IMPA2: variants seen among roughly 807,000 people sequenced by gnomAD.
IMPA2 encodes the protein IMP 2.
In IMPA2, 32 loss-of-function variants were observed where a neutral mutation model predicts 35.1. That is an observed-to-expected ratio of 0.91 (90% CI 0.69 to 1.23). The LOEUF is 1.23. Ranked by LOEUF, IMPA2 falls within the 50% of genes most tolerant of loss-of-function variation. IMPA2 has a pLI of 0.00. For synonymous variants in IMPA2, 135 were observed against 160.6 expected, an observed-to-expected ratio of 0.84 and a Z score of 1.20; for missense variants, 334 against 387.6, an observed-to-expected ratio of 0.86 and a Z score of 1.16.
intron 5 of IMPA2, among the ~76,000 whole-genome samples, chr18:12,027,209 G>A (rs1451465347): frequency 2.0e-5 from 3 of 152,224 alleles, no homozygotes; most frequent in Non-Finnish European, 2.9e-5. Flanking sequence ...GTGTTTGGGT[G>A]TGTGGCACAA....
chr18:11,997,581 G>T (rs928551050), intron 1 of IMPA2, among the ~76,000 whole-genome samples: 1 of 152,210 alleles, frequency 6.6e-6, no homozygotes, highest in Non-Finnish European at 1.5e-5. Flanking sequence ...AGGCAGCCCC[G>T]TATGGGGAGG....
At chr18:12,021,004 G>A (rs1907713344) in intron 5 of IMPA2, among the ~76,000 whole-genome samples, 1 of 151,722 alleles carries the variant, frequency 6.6e-6, no homozygotes, top group Non-Finnish European at 1.5e-5. Flanking sequence ...TGGGCTTTGG[G>A]GGCTTGGAGG....
chr18:12,017,344 A>G (rs1020294), intron 5 of IMPA2, among the ~76,000 whole-genome samples: 67,679 of 152,024 alleles, frequency 0.45, 17,239 homozygotes, highest in Non-Finnish European at 0.58. Context: ...TCAGTACTTC[A>G]GCGTGTCTCC....
intron 1 of IMPA2, among the ~76,000 whole-genome samples, chr18:11,984,482 C>T (rs1906598731): frequency 6.6e-6 from 1 of 152,242 alleles, no homozygotes; most frequent in South Asian, 2.1e-4. Flanking sequence ...CAAATCCCCC[C>T]GCGGAGCTGA....
At chr18:12,022,239 G>C (rs1907749209) in intron 5 of IMPA2, among the ~76,000 whole-genome samples, 1 of 151,926 alleles carries the variant, frequency 6.6e-6, no homozygotes, top group Admixed American at 6.6e-5. Flanking sequence ...AAATTAAAAA[G>C]ATATACATTA....
At chr18:12,012,597 A>G (rs1907466050) in intron 4 of IMPA2, among the ~76,000 whole-genome samples, 1 of 152,184 alleles carries the variant, frequency 6.6e-6, no homozygotes, top group African/African-American at 2.4e-5. Flanking sequence ...CTCAATCCCA[A>G]TATTCTAATA....
At chr18:11,992,678 G>A (rs1036663467) in intron 1 of IMPA2, among the ~76,000 whole-genome samples, 3 of 152,190 alleles carry the variant, frequency 2.0e-5, no homozygotes, top group Admixed American at 1.3e-4. Context: ...CTTAGTTAGC[G>A]AGTAGCTGAA....
intron 5 of IMPA2, among the ~76,000 whole-genome samples, chr18:12,016,952 C>T (rs75786327): frequency 0.022 from 3,290 of 152,232 alleles, 120 homozygotes; most frequent in African/African-American, 0.075. Context: ...AGTCATGCCC[C>T]GTTGTTAAAA....
At chr18:12,012,095 A>C in intron 3 of IMPA2, 75 bp from the exon 4 acceptor site, 1 of 1,391,648 alleles carries the variant, frequency 7.2e-7, no homozygotes. Context: ...GCCTGCGGGG[A>C]GCCGCACAGC....
Position 12,030,538 on chromosome 18 carries a change from C to A in IMPA2, c.*80C>A. 1.8e-6 allele frequency: 2 copies of A among 1,106,608 alleles called. No homozygotes were observed. The highest frequency in any genetic ancestry group is 1.3e-5 in the South Asian group (1 of 77,510). The allele number at this position is 1,106,608 out of a possible 1,614,324, so 68.5% of individuals were successfully genotyped here. On this transcript the variant is annotated 3_prime_UTR_variant, in exon 8 of 8. Coordinates refer to ENST00000269159, the MANE Select transcript of IMPA2 (RefSeq NM_014214.3). ...GGGGAGGTGGCCCTCGTGGCCCACG[C>A]TCCATGCCAGTGGCTCACGCTCTGC...
chr18:12,007,614 CTTTCTTTTTCTTTCTTCTTTCT>C (rs1907293116), intron 2 of IMPA2, among the ~76,000 whole-genome samples: 1 of 136,212 alleles, frequency 7.3e-6, no homozygotes, highest in Non-Finnish European at 1.5e-5. Flanking sequence ...CTCTTTCTTT[CTTTCTTTTTCTTTCTTCTTTCT>C]TTCTTTCTTT....
At position 12,030,501 on chromosome 18, in the gene IMPA2, C is replaced by G. The variant is rs2143832701; in HGVS notation, c.*43C>G. On this transcript the variant is annotated 3_prime_UTR_variant, in exon 8 of 8. Transcript: ENST00000269159. The stretch of plus-strand genomic sequence containing the variant: ...CTGCTCCCAAGGCCTCCCTGGGCTG[C>G]TGTGGGCTCCTGGGGAGGTGGCCCT... 1 of 1,516,414 alleles carries G rather than the reference C, an allele frequency of 6.6e-7. No homozygotes were observed. Among genetic ancestry groups the G allele is most frequent in the Non-Finnish European group, 9.2e-7 (1 of 1,091,766 alleles). 93.9% of individuals were successfully genotyped at this position (1,516,414 alleles called of 1,614,324 possible).
chr18:11,997,428 T>C (rs750462681), intron 1 of IMPA2, among the ~76,000 whole-genome samples: 21 of 152,244 alleles, frequency 1.4e-4, no homozygotes, highest in Non-Finnish European at 2.6e-4. Flanking sequence ...ATGTGGACGC[T>C]GTATGCTTTT....
intron 1 of IMPA2, among the ~76,000 whole-genome samples, chr18:11,984,927 C>T (rs1329255913): frequency 1.3e-5 from 2 of 148,432 alleles, no homozygotes; most frequent in Admixed American, 6.8e-5. Context: ...GAGATCGTGC[C>T]ACTGCACTCC....
rs1223123735 is a variant in IMPA2 at position 12,030,709 on chromosome 18, A to T, written c.*251A>T. The T allele has an allele frequency of 2.1e-6, 1 of 471,542 alleles. No homozygotes were observed. Among genetic ancestry groups the T allele is most frequent in the African/African-American group, 2.0e-5 (1 of 50,664 alleles). The allele number at this position is 471,542 out of a possible 1,614,324, so 29.2% of individuals were successfully genotyped here. ...TCAGGTTAGTACGTGTTCTTCTGTC[A>T]GGGCCAAAACTCAAATCTCCTGTGA... On this transcript the variant is annotated 3_prime_UTR_variant, in exon 8 of 8. Coordinates refer to ENST00000269159, the MANE Select transcript of IMPA2 (RefSeq NM_014214.3).
At chr18:12,024,354 C>T (rs759091663) in intron 5 of IMPA2, among the ~76,000 whole-genome samples, 159 of 152,060 alleles carry the variant, frequency 1.0e-3, no homozygotes, top group Non-Finnish European at 1.7e-3. Flanking sequence ...CATGGTGGTG[C>T]GCACCTGTAA....
chr18:12,007,926 C>T (rs551330645), intron 2 of IMPA2, among the ~76,000 whole-genome samples: 3 of 151,898 alleles, frequency 2.0e-5, no homozygotes, highest in East Asian at 3.9e-4. Context: ...TATAGGCGTG[C>T]GCCACCACCC....
Position 11,999,093 on chromosome 18 carries a change from A to G in IMPA2, c.136A>G (p.Thr46Ala), listed in dbSNP as rs1212599477. The change falls in exon 2 of 8, where the codon ACA becomes GCA. Residue 46 changes from threonine to alanine, a missense_variant. By Grantham distance (58) the Thr-to-Ala change is moderately conservative. Transcript: ENST00000269159. ...CCTTACTGAGGAAAAACGTGTCTCA[A>G]CAAAAACATCAGCTGCAGATCTTGT... ...KALTEEKRVS[T>A]KTSAADLVTE... 2 of 1,613,846 alleles carry G rather than the reference A, an allele frequency of 1.2e-6. No individual in the cohort carries two copies. Among genetic ancestry groups the G allele is most frequent in the Non-Finnish European group, 8.5e-7 (1 of 1,179,804 alleles).
intron 2 of IMPA2, among the ~76,000 whole-genome samples, chr18:12,002,438 C>T (rs555322065): frequency 9.2e-5 from 14 of 152,168 alleles, no homozygotes; most frequent in African/African-American, 2.9e-4. Context: ...GCTCCTTGAC[C>T]TGGAAGACAG....
Sources: allele counts gnomAD v4.1 joint callset (sites outside exome capture counted in the v4.1 genomes callset), GRCh38; gene constraint gnomAD v4.1.1; transcripts MANE v1.5; gene names NCBI Gene and HGNC (gene_info 2026-07-23, HGNC 2026-07-21).